The following DNAH14 variants were observed in gnomAD, a reference collection of about 807,000 sequenced individuals.
The protein encoded by DNAH14 is dynein axonemal heavy chain 14.
DNAH14 carries 478 observed loss-of-function variants against 520.9 expected under a neutral mutation model. That is an observed-to-expected ratio of 0.92 (90% CI 0.85 to 0.99). The LOEUF is 0.99. Among genes scored for constraint, DNAH14 ranks in the 50% least tolerant of loss-of-function variants. The pLI is 0.00. For synonymous variants in DNAH14, 1,581 were observed against 1,757.2 expected, an observed-to-expected ratio of 0.90 and a Z score of 2.51; for missense variants, 4,831 against 5,234.5, an observed-to-expected ratio of 0.92 and a Z score of 2.38.
At chr1:224,935,031 A>G (rs1177922478) in intron 1 of DNAH14, among the ~76,000 whole-genome samples, 1 of 151,914 alleles carries the variant, frequency 6.6e-6, no homozygotes, top group Non-Finnish European at 1.5e-5. Context: ...ACCTGGAAGT[A>G]AAAGGATGAC....
intron 36 of DNAH14, among the ~76,000 whole-genome samples, chr1:225,181,604 T>TG (rs2084005426): frequency 6.6e-6 from 1 of 152,234 alleles, no homozygotes; most frequent in Non-Finnish European, 1.5e-5. Context: ...CATATGTTTA[T>TG]TGGCCTCTTA....
chr1:225,105,535 G>A (rs2075966110), intron 23 of DNAH14, among the ~76,000 whole-genome samples: 2 of 152,172 alleles, frequency 1.3e-5, no homozygotes, highest in Admixed American at 6.5e-5. Flanking sequence ...CTCTTTCTAA[G>A]TCTCTAAGGA....
At chr1:225,337,585 A>G (rs2095083143) in intron 67 of DNAH14, 89 bp downstream of exon 67, 1 of 1,015,366 alleles carries the variant, frequency 9.8e-7, no homozygotes, top group African/African-American at 1.7e-5. Context: ...TCAGTGACAG[A>G]TAACTGTCAG....
chr1:224,966,349 A>G (rs771341469), intron 5 of DNAH14, among the ~76,000 whole-genome samples: 2 of 152,198 alleles, frequency 1.3e-5, no homozygotes, highest in South Asian at 2.1e-4. Context: ...TAGTTACACA[A>G]TAGCTTCTGA....
intron 9 of DNAH14, among the ~76,000 whole-genome samples, chr1:225,006,334 A>G (rs1364508977): frequency 1.3e-5 from 2 of 152,222 alleles, no homozygotes; most frequent in Non-Finnish European, 2.9e-5. Context: ...AGAACAGGTA[A>G]CAATGATTTT....
chr1:224,940,953 A>G (rs926087962), intron 1 of DNAH14, among the ~76,000 whole-genome samples: 2 of 152,082 alleles, frequency 1.3e-5, no homozygotes, highest in African/African-American at 4.8e-5. Flanking sequence ...AGTCTTTGCT[A>G]TTGTGAATAG....
At chr1:225,228,996 G>A (rs1162481954) in intron 41 of DNAH14, among the ~76,000 whole-genome samples, 3 of 152,156 alleles carry the variant, frequency 2.0e-5, no homozygotes, top group African/African-American at 7.2e-5. Flanking sequence ...CCTAAAACCG[G>A]CCTTTGATCT....
At chr1:225,204,343 TTA>T in intron 39 of DNAH14, 70 bp downstream of exon 39, 1 of 888,824 alleles carries the variant, frequency 1.1e-6, no homozygotes, top group Non-Finnish European at 1.7e-6. Flanking sequence ...TGAGCTATAT[TTA>T]TATGTTTAAA....
At chr1:225,037,134 G>C (rs2067043017) in intron 11 of DNAH14, among the ~76,000 whole-genome samples, 1 of 152,020 alleles carries the variant, frequency 6.6e-6, no homozygotes, top group Non-Finnish European at 1.5e-5. Flanking sequence ...GTTTCTTGTA[G>C]GCAACAGTAG....
chr1:225,133,855 G>T (rs1344752538), intron 27 of DNAH14, among the ~76,000 whole-genome samples: 1 of 152,144 alleles, frequency 6.6e-6, no homozygotes, highest in African/African-American at 2.4e-5. Flanking sequence ...TCCTATCCAT[G>T]AGCATGGAAT....
At chr1:225,147,867 T>C (rs566463147) in intron 31 of DNAH14, among the ~76,000 whole-genome samples, 13 of 152,326 alleles carry the variant, frequency 8.5e-5, no homozygotes, top group African/African-American at 2.9e-4. Context: ...AGCTCCCACA[T>C]ACAAGTGAGA....
rs1193834939 is a variant in DNAH14, at chr1:225,274,194, G to GTTTTTTTTTTTTT, written c.8010+1071_8010+1072insTTTTTTTTTTTTT. 6.7e-3 allele frequency among the ~76,000 whole-genome samples: 806 copies of GTTTTTTTTTTTTT among 120,108 alleles called. 129 individuals carry two copies. The highest frequency in any genetic ancestry group is 0.015 in the East Asian group (56 of 3,628). 78.8% of individuals were successfully genotyped at this position (120,108 alleles called of 152,430 possible). ...TTTCTCTGCATCCTCACCAGCATCT[G>GTTTTTTTTTTTTT]TTATTTTTTTTTTTTTTTTTTTTTT... On this transcript the variant is annotated intron_variant, in intron 52 of 85. Coordinates refer to ENST00000682510, the MANE Select transcript of DNAH14 (RefSeq NM_001367479.1).
intron 1 of DNAH14, among the ~76,000 whole-genome samples, chr1:224,934,769 A>G (rs975059847): frequency 6.6e-6 from 1 of 151,904 alleles, no homozygotes; most frequent in African/African-American, 2.4e-5. Flanking sequence ...AATCTTAAAA[A>G]CACCAAGAGA....
Position 225,310,524 on chromosome 1 carries a change from G to A in DNAH14, c.9240+2114G>A, listed in dbSNP as rs142759784. Reference sequence around the variant, plus strand: ...GCAAGTTTGTTACATAGGTATATACGTGCCATGGTAGTTTGCTGCACCCAT... The same window carrying A: ...GCAAGTTTGTTACATAGGTATATACATGCCATGGTAGTTTGCTGCACCCAT... On this transcript the variant is annotated intron_variant, in intron 60 of 85. Coordinates refer to ENST00000682510, the MANE Select transcript of DNAH14 (RefSeq NM_001367479.1). Among the ~76,000 whole-genome samples the A allele has an allele frequency of 9.6e-3, 1,458 of 152,112 alleles. 22 individuals carry two copies. The highest frequency in any genetic ancestry group is 0.017 in the Middle Eastern group (5 of 294).
chr1:225,283,709 C>T (rs544603968), intron 54 of DNAH14, among the ~76,000 whole-genome samples: 17 of 152,130 alleles, frequency 1.1e-4, no homozygotes, highest in African/African-American at 4.1e-4. Context: ...TAGAAGACTC[C>T]ACTAACAACA....
chr1:225,079,612 C>T lies in DNAH14; in HGVS notation c.2766+64C>T. On this transcript the variant is annotated intron_variant, in intron 18 of 85. Transcript: ENST00000682510. ...AAAACTTGATCTTAGTCTCGTAAGTCCAGGCATTTGGGTATTTGCTTTCAG... is the reference window on the plus strand; with the variant it reads ...AAAACTTGATCTTAGTCTCGTAAGTTCAGGCATTTGGGTATTTGCTTTCAG... The T allele has an allele frequency of 2.4e-6, 3 of 1,263,744 alleles. No individual in the cohort carries two copies. In the South Asian group the frequency reaches 4.6e-5, roughly 19 times the overall value. 78.3% of individuals were successfully genotyped at this position (1,263,744 alleles called of 1,614,324 possible).
At chr1:225,022,345 C>G (rs2065773624) in intron 10 of DNAH14, among the ~76,000 whole-genome samples, 1 of 152,140 alleles carries the variant, frequency 6.6e-6, no homozygotes, top group Non-Finnish European at 1.5e-5. Context: ...TATTCACAAT[C>G]TGTGCATCTG....
intron 2 of DNAH14, among the ~76,000 whole-genome samples, chr1:224,953,561 G>C (rs2060318822): frequency 1.3e-5 from 2 of 152,072 alleles, no homozygotes; most frequent in Admixed American, 1.3e-4. Flanking sequence ...TTATTATAAA[G>C]CTATCATAAC....
chr1:225,052,565 A>G (rs2068644159), intron 17 of DNAH14, among the ~76,000 whole-genome samples: 1 of 152,200 alleles, frequency 6.6e-6, no homozygotes, highest in Non-Finnish European at 1.5e-5. Flanking sequence ...GGCCCCTGGA[A>G]TATAACCATG....
Sources: allele counts gnomAD v4.1 joint callset (sites outside exome capture counted in the v4.1 genomes callset), GRCh38; gene constraint gnomAD v4.1.1; transcripts MANE v1.5; gene names NCBI Gene and HGNC (gene_info 2026-07-23, HGNC 2026-07-21).